Variants in TMEM132D observed in about 807,000 individuals in gnomAD.
TMEM132D encodes the protein transmembrane protein 132D, also known as mature OL transmembrane protein.
TMEM132D carries 21 observed loss-of-function variants against 62.3 expected under a neutral mutation model. That is an observed-to-expected ratio of 0.34 (90% CI 0.24 to 0.49). The LOEUF (loss-of-function observed/expected upper bound fraction) is 0.49. TMEM132D is among the 20% of genes least tolerant of loss of function. TMEM132D has a pLI of 0.99. For missense variants in TMEM132D, 1,346 were observed against 1,402.8 expected (o/e 0.96, Z 0.65); for synonymous variants, 621 against 575.6 (o/e 1.08, Z -1.13).
chr12:129,612,913 G>A (rs577960958), intron 2 of TMEM132D, among the ~76,000 whole-genome samples: 1 of 152,146 alleles, frequency 6.6e-6, no homozygotes, highest in Non-Finnish European at 1.5e-5. Context: ...TTGCCCAAAG[G>A]TTTTGTCAAT....
At chr12:129,188,021 C>T (rs751656632) in intron 5 of TMEM132D, among the ~76,000 whole-genome samples, 10 of 152,324 alleles carry the variant, frequency 6.6e-5, no homozygotes, top group Admixed American at 4.6e-4. Flanking sequence ...TAACATGACG[C>T]GGTAGACTGA....
intron 2 of TMEM132D, among the ~76,000 whole-genome samples, chr12:129,625,247 C>G (rs542934761): frequency 1.3e-4 from 20 of 152,294 alleles, no homozygotes; most frequent in African/African-American, 4.6e-4. Flanking sequence ...TTTCTCGATA[C>G]TACTTAGCCA....
At chr12:129,113,684 C>T (rs903942840) in intron 5 of TMEM132D, among the ~76,000 whole-genome samples, 5 of 151,730 alleles carry the variant, frequency 3.3e-5, no homozygotes, top group African/African-American at 1.2e-4. Context: ...AAAATGTGTC[C>T]TTTGAGACCA....
chr12:129,571,987 G>A (rs143553666), intron 2 of TMEM132D, among the ~76,000 whole-genome samples: 24 of 152,290 alleles, frequency 1.6e-4, no homozygotes, highest in African/African-American at 5.8e-4. Flanking sequence ...AAAGCAGCAA[G>A]GTGTCCCTGC....
chr12:129,332,137 T>A (rs1343861786), intron 4 of TMEM132D, among the ~76,000 whole-genome samples: 25 of 152,184 alleles, frequency 1.6e-4, no homozygotes, highest in Non-Finnish European at 1.5e-5. Context: ...AGATAAGCAC[T>A]TGATAAATGA....
At chr12:129,701,510 C>T (rs966169732) in intron 1 of TMEM132D, among the ~76,000 whole-genome samples, 2 of 152,214 alleles carry the variant, frequency 1.3e-5, no homozygotes, top group South Asian at 2.1e-4. Flanking sequence ...GGCAGCACCT[C>T]GCTTCCATGC....
chr12:129,195,852 T>G (rs1165534070), intron 5 of TMEM132D, among the ~76,000 whole-genome samples: 1 of 152,120 alleles, frequency 6.6e-6, no homozygotes, highest in Non-Finnish European at 1.5e-5. Context: ...GGGGGCCAGG[T>G]GCAGTGGCTC....
intron 1 of TMEM132D, among the ~76,000 whole-genome samples, chr12:129,869,512 A>AT (rs1410246002): frequency 3.9e-5 from 6 of 152,152 alleles, no homozygotes; most frequent in Non-Finnish European, 8.8e-5. Context: ...GTTACGCCGT[A>AT]TTGCTTTCAT....
At chr12:129,887,633 T>C (rs977599527) in intron 1 of TMEM132D, among the ~76,000 whole-genome samples, 4 of 152,162 alleles carry the variant, frequency 2.6e-5, no homozygotes, top group African/African-American at 9.6e-5. Context: ...TTCCTTTTCC[T>C]ATCAAAAATC....
At chr12:129,875,370 A>C (rs1874382895) in intron 1 of TMEM132D, among the ~76,000 whole-genome samples, 1 of 152,186 alleles carries the variant, frequency 6.6e-6, no homozygotes, top group Admixed American at 6.5e-5. Flanking sequence ...GTGGCTTAGA[A>C]ACAACAGACA....
intron 1 of TMEM132D, among the ~76,000 whole-genome samples, chr12:129,807,827 C>T (rs569029887): frequency 3.3e-4 from 50 of 152,242 alleles, no homozygotes; most frequent in Admixed American, 6.5e-4. Flanking sequence ...TCCATGATTC[C>T]ATTTCTACTC....
intron 5 of TMEM132D, among the ~76,000 whole-genome samples, chr12:129,184,237 G>T (rs973574907): frequency 6.6e-6 from 1 of 152,148 alleles, no homozygotes; most frequent in African/African-American, 2.4e-5. Flanking sequence ...GGGGCATGGG[G>T]AGTCTCTTCT....
intron 4 of TMEM132D, among the ~76,000 whole-genome samples, chr12:129,314,515 T>C (rs937121304): frequency 4.6e-5 from 7 of 152,260 alleles, no homozygotes; most frequent in Admixed American, 1.3e-4. Flanking sequence ...TTGGTGACTA[T>C]GGCCTTACAG....
At chr12:129,633,103 A>T (rs1593097910) in intron 2 of TMEM132D, among the ~76,000 whole-genome samples, 2 of 152,222 alleles carry the variant, frequency 1.3e-5, no homozygotes, top group East Asian at 3.8e-4. Context: ...GTCCTCCAAA[A>T]GGAACAAAAA....
At chr12:129,619,869 A>G (rs1199523785) in intron 2 of TMEM132D, among the ~76,000 whole-genome samples, 1 of 152,238 alleles carries the variant, frequency 6.6e-6, no homozygotes, top group African/African-American at 2.4e-5. Flanking sequence ...TTTGCAATTG[A>G]GTGTATTATC....
intron 4 of TMEM132D, among the ~76,000 whole-genome samples, chr12:129,291,058 G>A (rs1351341068): frequency 6.6e-6 from 1 of 152,106 alleles, no homozygotes; most frequent in Non-Finnish European, 1.5e-5. Context: ...AAGAACTACT[G>A]GACTACACTG....
chr12:129,830,818 C>T (rs1170894597), intron 1 of TMEM132D, among the ~76,000 whole-genome samples: 2 of 152,150 alleles, frequency 1.3e-5, no homozygotes, highest in African/African-American at 4.8e-5. Context: ...AAAACTCAAA[C>T]CTAAGTGTTT....
intron 5 of TMEM132D, among the ~76,000 whole-genome samples, chr12:129,196,050 C>T: frequency 6.6e-6 from 1 of 152,076 alleles, no homozygotes; most frequent in East Asian, 1.9e-4. Flanking sequence ...TGGCTTGAAC[C>T]CAGGAAGTGG....
chr12:129,821,225 A>G (rs980854898), intron 1 of TMEM132D, among the ~76,000 whole-genome samples: 1 of 152,126 alleles, frequency 6.6e-6, no homozygotes, highest in Non-Finnish European at 1.5e-5. Context: ...ATTTGACACA[A>G]TGGTGTGTAT....
Sources: gnomAD v4.1 joint callset for allele counts (sites outside exome capture counted in the v4.1 genomes callset) on GRCh38, gnomAD v4.1.1 for gene constraint, MANE v1.5 for transcripts, NCBI Gene and HGNC (gene_info 2026-07-23, HGNC 2026-07-21) for gene names.